Variants in DSP observed in about 807,000 individuals in gnomAD.
DSP encodes 250/210 kDa paraneoplastic pemphigus antigen.
Under a neutral mutation model 290.6 loss-of-function variants are expected in DSP, and 114 were observed. The observed-to-expected ratio is 0.39, with a 90% CI of 0.34 to 0.46. DSP has a LOEUF of 0.46. Ranked by LOEUF, DSP falls within the 20% of genes least tolerant of loss-of-function variation. DSP has a pLI of 0.99. For synonymous variants in DSP, 1,311 were observed against 1,316.4 expected, an observed-to-expected ratio of 1.00 and a Z score of 0.09; for missense variants, 3,230 against 3,495.8, an observed-to-expected ratio of 0.92 and a Z score of 1.92.
chr6:7,560,955 C>CTT (rs3837025), intron 4 of DSP, among the ~76,000 whole-genome samples: 5 of 144,954 alleles, frequency 3.4e-5, no homozygotes, highest in African/African-American at 5.1e-5. Context: ...ATGTCATTTT[C>CTT]TTTTTTTTTT....
Position 7,585,725 on chromosome 6 carries a change from G to T in DSP, c.8463G>T (p.Ser2821=). 1 of 1,612,142 alleles carries T rather than the reference G, an allele frequency of 6.2e-7. No individual in the cohort carries two copies. Among genetic ancestry groups the T allele is most frequent in the Non-Finnish European group, 8.5e-7 (1 of 1,179,038 alleles). The change falls in exon 24 of 24, where the codon TCG becomes TCT. Residue 2821 remains serine (S), a synonymous_variant. Coordinates refer to ENST00000379802, the MANE Select transcript of DSP (RefSeq NM_004415.4). ...KGLPSPYNMS[S]APGSRSGSRS... ...TACCCAGCCCTTACAACATGTCTTCGGCTCCGGGGTCCCGCTCCGGCTCCC... is the reference window on the plus strand; with the variant it reads ...TACCCAGCCCTTACAACATGTCTTCTGCTCCGGGGTCCCGCTCCGGCTCCC...
chr6:7,555,216 GA>G (rs1758471702), intron 1 of DSP, among the ~76,000 whole-genome samples: 1 of 152,174 alleles, frequency 6.6e-6, no homozygotes, highest in South Asian at 2.1e-4. Flanking sequence ...CCTGGGAGGG[GA>G]AAACTTGCTG....
rs28763962 is a variant in DSP at position 7,571,591 on chromosome 6, T to C, written c.1903+7T>C. 4.5e-3 allele frequency: 7,263 copies of C among 1,614,026 alleles called. 289 individuals are homozygous for C. In the African/African-American group the frequency reaches 0.085, roughly 19 times the overall value. On this transcript the variant is annotated splice_region_variant and intron_variant, in intron 14 of 23. Coordinates refer to ENST00000379802, the MANE Select transcript of DSP (RefSeq NM_004415.4). ...TATCCCCAGCACCAGACAGGTCGGC[T>C]TGGGACATCTTTCTCTTTGTATCAA...
intron 1 of DSP, among the ~76,000 whole-genome samples, chr6:7,553,161 T>C (rs1281692319): frequency 1.3e-5 from 2 of 151,898 alleles, no homozygotes; most frequent in Non-Finnish European, 2.9e-5. Flanking sequence ...AACAGCGGGG[T>C]TTTATGCTGT....
At chr6:7,544,491 CTTTT>C (rs386406062) in intron 1 of DSP, among the ~76,000 whole-genome samples, 3,271 of 142,802 alleles carry the variant, frequency 0.023, 49 homozygotes, top group Middle Eastern at 0.033. Flanking sequence ...TTCTTTCTTT[CTTTT>C]TTTTTTTTTA....
chr6:7,563,679 C>T, intron 5 of DSP, 57 bp from the exon 6 acceptor site: 1 of 1,483,278 alleles, frequency 6.7e-7, no homozygotes, highest in Non-Finnish European at 9.4e-7. Context: ...AAGGGCCACT[C>T]TTTTCTATAC....
chr6:7,584,806 C>G lies in DSP; in HGVS notation c.7544C>G (p.Thr2515Ser), dbSNP rs753142661. The G allele has an allele frequency of 1.2e-6, 2 of 1,614,158 alleles. No individual in the cohort carries two copies. The highest frequency in any genetic ancestry group is 2.2e-5 in the South Asian group (2 of 91,076). Reference sequence around the variant, plus strand: ...ACCATCACGGGATCAGATGGCTCCACCAGGGTGGTCCTGGTAGATAGAAAG... The same window carrying G: ...ACCATCACGGGATCAGATGGCTCCAGCAGGGTGGTCCTGGTAGATAGAAAG... The part of the protein sequence containing the change: ...EITITGSDGS[T>S]RVVLVDRKTG... The change falls in exon 24 of 24, where the codon ACC becomes AGC. Residue 2515 changes from threonine to serine, a missense_variant. This residue lies in a region of DSP where 582 missense variants were observed against 555.4 expected (regional missense o/e 1.05). Coordinates refer to ENST00000379802, the MANE Select transcript of DSP (RefSeq NM_004415.4). This position sits in a 1 kb window ranked among gnomAD's most constrained non-coding sequence, Gnocchi z 6.4.
rs1759654706 is a variant in DSP at position 7,585,835 on chromosome 6, A to G, written c.8573A>G (p.Tyr2858Cys). ...TTTGACGCCACAGGGAATTCTTCCT[A>G]CTCTTATTCCTACTCATTTAGCAGT... ...GSFDATGNSS[Y>C]SYSYSFSSSS... Residue 2858 changes from tyrosine to cysteine, a missense_variant, in exon 24 of 24, where the codon TAC becomes TGC. Transcript: ENST00000379802. 1 of 1,613,480 alleles carries G rather than the reference A, an allele frequency of 6.2e-7. No homozygotes were observed. Among genetic ancestry groups the G allele is most frequent in the Non-Finnish European group, 8.5e-7 (1 of 1,179,900 alleles).
At chr6:7,551,559 T>A (rs2008756) in intron 1 of DSP, among the ~76,000 whole-genome samples, 1 of 151,474 alleles carries the variant, frequency 6.6e-6, no homozygotes, top group Non-Finnish European at 1.5e-5. Context: ...GAACCCAGGA[T>A]GTGGAGGTTG....
At chr6:7,577,960 C>G in intron 21 of DSP, 74 bp downstream of exon 21, 1 of 1,182,434 alleles carries the variant, frequency 8.5e-7, no homozygotes, top group Non-Finnish European at 1.3e-6. Flanking sequence ...TCTCCTGCCT[C>G]TTCCCTTTTC....
At chr6:7,543,393 C>CTTTTT (rs397886749) in intron 1 of DSP, among the ~76,000 whole-genome samples, 12 of 80,028 alleles carry the variant, frequency 1.5e-4, no homozygotes, top group African/African-American at 3.4e-4. Context: ...TCTATTTTCG[C>CTTTTT]TTTTTTTTTT....
In DSP at chr6:7,582,989, T is replaced by C; in HGVS notation, c.5727T>C (p.Ile1909=). The stretch of plus-strand genomic sequence containing the variant: ...GACTCCAAGCAGAGATCAAGAGAAT[T>C]GAAGAGAGGTGCAGGCGTAAGCTGG... The part of the protein sequence containing the change: ...IERLQAEIKR[I]EERCRRKLED... Residue 1909 remains isoleucine (I), a synonymous_variant, in exon 24 of 24, where the codon ATT becomes ATC. Coordinates refer to ENST00000379802, the MANE Select transcript of DSP (RefSeq NM_004415.4). The surrounding 1 kb of genome is among the most constrained non-coding windows in gnomAD (Gnocchi z 4.2). 6.2e-7 allele frequency: 1 copy of C among 1,613,576 alleles called. No homozygotes were observed. The highest frequency in any genetic ancestry group is 8.5e-7 in the Non-Finnish European group (1 of 1,179,920).
intron 1 of DSP, among the ~76,000 whole-genome samples, chr6:7,542,396 G>C (rs1758022687): frequency 6.6e-6 from 1 of 152,164 alleles, no homozygotes; most frequent in South Asian, 2.1e-4. Flanking sequence ...GGCTGCAGCC[G>C]CCTTTGTCCC....
intron 4 of DSP, 153 bp from the exon 5 acceptor site, chr6:7,562,499 A>T: frequency 1.5e-6 from 2 of 1,373,014 alleles, no homozygotes; most frequent in Non-Finnish European, 2.0e-6. Context: ...TGCATTAGCC[A>T]TTTGGGAACC....
Position 7,581,060 on chromosome 6 carries a change from A to G in DSP, c.4870A>G (p.Ile1624Val), listed in dbSNP as rs1244793317. The change falls in exon 23 of 24, where the codon ATT becomes GTT. Residue 1624 changes from isoleucine (I) to valine (V), a missense_variant. Ile to Val is a conservative substitution (Grantham distance 29, BLOSUM62 3). Transcript: ENST00000379802. ...NLTQQLEQAS[I>V]VKKRSEDDLR... ...GACCCAGCAGCTGGAGCAGGCATCC[A>G]TTGTTAAGAAGAGGAGTGAGGATGA... The G allele has an allele frequency of 4.3e-6, 7 of 1,613,912 alleles. No homozygotes were observed. The highest frequency in any genetic ancestry group is 2.2e-5 in the East Asian group (1 of 44,884).
rs1581821715 is a variant in DSP, at chr6:7,583,382, C to A, written c.6120C>A (p.Ile2040=). ...TAGAGGCCAAGAGAAAGAAATTAAT[C>A]AGCCCAGAATCCACAGTCATGCTTC... ...SLVEAKRKKL[I]SPESTVMLLE... is the part of the protein sequence containing the mutation. Residue 2040 remains isoleucine, a synonymous_variant, in exon 24 of 24, where the codon ATC becomes ATA. Coordinates refer to ENST00000379802, the MANE Select transcript of DSP (RefSeq NM_004415.4). This position sits in a 1 kb window ranked among gnomAD's most constrained non-coding sequence, Gnocchi z 4.0. 1 of 1,614,166 alleles carries A rather than the reference C, an allele frequency of 6.2e-7. No homozygotes were observed. The highest frequency in any genetic ancestry group is 2.2e-5 in the East Asian group (1 of 44,886).
rs780156504 is a variant in DSP at position 7,584,837 on chromosome 6, C to T, written c.7575C>T (p.Gly2525=). 53 of 1,614,018 alleles carry T rather than the reference C, an allele frequency of 3.3e-5. No individual in the cohort carries two copies. The highest frequency in any genetic ancestry group is 4.2e-5 in the Non-Finnish European group (49 of 1,180,028). ...TRVVLVDRKT[G]SQYDIQDAID... Reference sequence around the variant, plus strand: ...TGGTCCTGGTAGATAGAAAGACAGGCAGTCAGTATGATATTCAAGATGCTA... The same window carrying T: ...TGGTCCTGGTAGATAGAAAGACAGGTAGTCAGTATGATATTCAAGATGCTA... The change falls in exon 24 of 24, where the codon GGC becomes GGT. Residue 2525 remains glycine, a synonymous_variant. Transcript: ENST00000379802. This position sits in a 1 kb window ranked among gnomAD's most constrained non-coding sequence, Gnocchi z 6.4.
chr6:7,574,114 C>G lies in DSP; in HGVS notation c.2159C>G (p.Ala720Gly), dbSNP rs1261146655. 1 of 1,614,120 alleles carries G rather than the reference C, an allele frequency of 6.2e-7. No individual in the cohort carries two copies. Among genetic ancestry groups the G allele is most frequent in the African/African-American group, 1.3e-5 (1 of 75,042 alleles). Residue 720 changes from alanine (A) to glycine (G), a missense_variant, in exon 16 of 24, where the codon GCT becomes GGT. This residue lies in a region of DSP where 1,714 missense variants were observed against 1,844.5 expected (regional missense o/e 0.93). Coordinates refer to ENST00000379802, the MANE Select transcript of DSP (RefSeq NM_004415.4). ...KSVQNDSQAIAEVLNQLKDML... is the reference protein window; with the variant it reads ...KSVQNDSQAIGEVLNQLKDML... Reference sequence around the variant, plus strand: ...GTGCAGAATGATTCACAAGCAATTGCTGAGGTTCTCAACCAGCTTAAAGAT... The same window carrying G: ...GTGCAGAATGATTCACAAGCAATTGGTGAGGTTCTCAACCAGCTTAAAGAT...
At position 7,579,763 on chromosome 6, in the gene DSP, G is replaced by A. The variant is rs750659892; in HGVS notation, c.3573G>A (p.Glu1191=). 2.5e-6 allele frequency: 4 copies of A among 1,613,824 alleles called. No individual in the cohort carries two copies. The highest frequency in any genetic ancestry group is 1.7e-6 in the Non-Finnish European group (2 of 1,179,850). ...EGTRKREYEN[E]LAKVRNHYNE... The stretch of plus-strand genomic sequence containing the variant: ...CCCGGAAGAGAGAATATGAAAATGA[G>A]CTGGCAAAGGTAAGAAACCACTATA... The change falls in exon 23 of 24, where the codon GAG becomes GAA. Residue 1191 remains glutamate (E), a synonymous_variant. Coordinates refer to ENST00000379802, the MANE Select transcript of DSP (RefSeq NM_004415.4). This position sits in a 1 kb window ranked among gnomAD's most constrained non-coding sequence, Gnocchi z 4.1.
Sources: gnomAD v4.1 joint callset for allele counts (sites outside exome capture counted in the v4.1 genomes callset) on GRCh38, gnomAD v4.1.1 for gene constraint, gnomAD v4.1.1 regional missense constraint, Gnocchi (gnomAD v3.1) non-coding constraint, MANE v1.5 for transcripts, NCBI Gene and HGNC (gene_info 2026-07-23, HGNC 2026-07-21) for gene names.